SMIM3: variants seen among roughly 807,000 people sequenced by gnomAD.
The protein encoded by SMIM3 is small integral membrane protein 3.
A neutral mutation model predicts 2.1 loss-of-function variants in SMIM3; 4 were observed. That is an observed-to-expected ratio of 1.89 (90% confidence interval 0.93 to 4.31). The LOEUF (loss-of-function observed/expected upper bound fraction) is 4.31, where lower values mean the gene tolerates loss of function less well. SMIM3 is among the 30% of genes most tolerant of loss of function. The pLI is 0.01. For synonymous variants in SMIM3, 29 were observed against 30.8 expected, an observed-to-expected ratio of 0.94 and a Z score of 0.19; for missense variants, 79 against 77.7, an observed-to-expected ratio of 1.02 and a Z score of -0.06.
chr5:150,790,409 A>G (rs1040729212), intron 1 of SMIM3, among the ~76,000 whole-genome samples: 2 of 152,150 alleles, frequency 1.3e-5, no homozygotes, highest in Non-Finnish European at 2.9e-5. Context: ...AGAATGATTT[A>G]TCCCGCCCCC....
At chr5:150,782,763 A>C (rs1364203802) in intron 1 of SMIM3, among the ~76,000 whole-genome samples, 1 of 152,210 alleles carries the variant, frequency 6.6e-6, no homozygotes, top group Non-Finnish European at 1.5e-5. Context: ...GGACCTCTTC[A>C]GTCAATTAGG....
chr5:150,794,932 C>T (rs1358890819), intron 1 of SMIM3, among the ~76,000 whole-genome samples: 1 of 152,154 alleles, frequency 6.6e-6, no homozygotes, highest in Non-Finnish European at 1.5e-5. Flanking sequence ...TAGGTAGGTT[C>T]TCCCCAGAAA....
At chr5:150,793,879 C>T (rs1753375312) in intron 1 of SMIM3, among the ~76,000 whole-genome samples, 1 of 152,126 alleles carries the variant, frequency 6.6e-6, no homozygotes, top group African/African-American at 2.4e-5. Flanking sequence ...GCAGAGTAAA[C>T]AGACAACCCA....
intron 1 of SMIM3, among the ~76,000 whole-genome samples, chr5:150,785,580 CTTTTTTTTTTTT>C: frequency 8.8e-6 from 1 of 113,738 alleles, no homozygotes; most frequent in South Asian, 2.8e-4. Context: ...TATTTCTTTT[CTTTTTTTTTTTT>C]TTTTTTTTGA....
rs577927047 is a variant in SMIM3 at position 150,795,942 on chromosome 5, A to G, written c.*319A>G. 303 of 301,116 alleles carry G rather than the reference A, an allele frequency of 1.0e-3. 7 individuals are homozygous for G. The South Asian group carries it at 0.012, about 12-fold the overall frequency. 18.7% of individuals were successfully genotyped at this position (301,116 alleles called of 1,614,324 possible). A position where few individuals can be genotyped will look rare whatever the true frequency, so the allele number is the denominator to read the frequency against. On this transcript the variant is annotated 3_prime_UTR_variant, in exon 2 of 2. Transcript: ENST00000526627. Reference sequence around the variant, plus strand: ...TATAAGGGTGTTATGCTGAATCCTGAGAAGCTTTCAAGAACCAGAGAACCT... The same window carrying G: ...TATAAGGGTGTTATGCTGAATCCTGGGAAGCTTTCAAGAACCAGAGAACCT...
Position 150,795,758 on chromosome 5 carries a change from C to A in SMIM3, c.*135C>A. 1 of 1,005,652 alleles carries A rather than the reference C, an allele frequency of 9.9e-7. No individual in the cohort carries two copies. The highest frequency in any genetic ancestry group is 1.4e-6 in the Non-Finnish European group (1 of 701,014). The allele number at this position is 1,005,652 out of a possible 1,614,324, so 62.3% of individuals were successfully genotyped here. A position where few individuals can be genotyped will look rare whatever the true frequency, so the allele number is the denominator to read the frequency against. On this transcript the variant is annotated 3_prime_UTR_variant, in exon 2 of 2. Transcript: ENST00000526627. ...TGGTTTTGATTCTGCCACGAGCCAGCTGTGTGAATTTGGTCAAGGGACCTA... is the reference window on the plus strand; with the variant it reads ...TGGTTTTGATTCTGCCACGAGCCAGATGTGTGAATTTGGTCAAGGGACCTA...
At chr5:150,779,064 C>G in intron 1 of SMIM3, 92 bp downstream of exon 1, 1 of 454,706 alleles carries the variant, frequency 2.2e-6, no homozygotes, top group Non-Finnish European at 4.5e-6. Context: ...CCCCTTTCCC[C>G]GGGCTCCCAA....
At chr5:150,781,455 C>A (rs1371250566) in intron 1 of SMIM3, among the ~76,000 whole-genome samples, 1 of 152,196 alleles carries the variant, frequency 6.6e-6, no homozygotes, top group Non-Finnish European at 1.5e-5. Context: ...GCACATTAAA[C>A]AACAGCAAGC....
intron 1 of SMIM3, among the ~76,000 whole-genome samples, chr5:150,781,644 G>A (rs1753233670): frequency 6.6e-6 from 1 of 152,144 alleles, no homozygotes; most frequent in South Asian, 2.1e-4. Context: ...TGGTGGTGGT[G>A]GTGGTGGGCA....
chr5:150,795,326 T>C lies in SMIM3; in HGVS notation c.-11-104T>C, dbSNP rs1753390731. 5.0e-6 allele frequency: 6 copies of C among 1,188,516 alleles called. No homozygotes were observed. In the Admixed American group the frequency reaches 1.0e-4, roughly 20 times the overall value. 73.6% of individuals were successfully genotyped at this position (1,188,516 alleles called of 1,614,324 possible). The stretch of plus-strand genomic sequence containing the variant: ...TAATCAGGGAACCTTAAAGTTTACA[T>C]ATCTGGTAAGTGACCCAGGCTTCTG... On this transcript the variant is annotated intron_variant, in intron 1 of 1. Coordinates refer to ENST00000526627, the MANE Select transcript of SMIM3 (RefSeq NM_032947.5).
chr5:150,780,589 A>C (rs1753221266), intron 1 of SMIM3, among the ~76,000 whole-genome samples: 1 of 152,102 alleles, frequency 6.6e-6, no homozygotes, highest in South Asian at 2.1e-4. Flanking sequence ...AGAACCACTG[A>C]GTCGCGGTGA....
At chr5:150,792,537 TA>T (rs1028981493) in intron 1 of SMIM3, among the ~76,000 whole-genome samples, 3 of 152,162 alleles carry the variant, frequency 2.0e-5, no homozygotes, top group Admixed American at 6.6e-5. Context: ...TGAAGTTGAT[TA>T]AAAAAATTAT....
intron 1 of SMIM3, among the ~76,000 whole-genome samples, chr5:150,783,445 G>C (rs1013508801): frequency 6.6e-6 from 1 of 152,226 alleles, no homozygotes; most frequent in African/African-American, 2.4e-5. Flanking sequence ...GAAGAGTCAT[G>C]TATCTTTGGA....
chr5:150,791,278 CT>C (rs1319837747), intron 1 of SMIM3, among the ~76,000 whole-genome samples: 1 of 152,100 alleles, frequency 6.6e-6, no homozygotes, highest in Admixed American at 6.6e-5. Flanking sequence ...CCACTTAAAA[CT>C]TTTGGAGTTC....
At chr5:150,787,235 T>G (rs1277040618) in intron 1 of SMIM3, among the ~76,000 whole-genome samples, 6 of 151,912 alleles carry the variant, frequency 3.9e-5, no homozygotes, top group Non-Finnish European at 8.8e-5. Flanking sequence ...AAGCTTAGAG[T>G]CCTGCTTTTT....
chr5:150,781,338 A>T (rs1362732311), intron 1 of SMIM3, among the ~76,000 whole-genome samples: 2 of 152,210 alleles, frequency 1.3e-5, no homozygotes, highest in African/African-American at 4.8e-5. Context: ...CTTCCAACTC[A>T]CTAGGGAAAC....
intron 1 of SMIM3, among the ~76,000 whole-genome samples, chr5:150,787,031 C>T (rs1421548158): frequency 6.6e-6 from 1 of 152,104 alleles, no homozygotes; most frequent in Admixed American, 6.5e-5. Context: ...ACTAAGGGTG[C>T]TTTTTAAGGT....
Position 150,778,970 on chromosome 5 carries a change from G to C in SMIM3, c.-14G>C, listed in dbSNP as rs1309369775. ...ACTTTCCGCAGACTCGCCGCCATCT[G>C]GGGTGAGTGGGGCCACCGGGGGATT... On this transcript the variant is annotated splice_region_variant and 5_prime_UTR_variant, in exon 1 of 2. Transcript: ENST00000526627. The C allele has an allele frequency of 2.0e-6, 1 of 503,356 alleles. No homozygotes were observed. Among genetic ancestry groups the C allele is most frequent in the East Asian group, 6.1e-5 (1 of 16,482 alleles). The allele number at this position is 503,356 out of a possible 1,614,324, so 31.2% of individuals were successfully genotyped here.
intron 1 of SMIM3, among the ~76,000 whole-genome samples, chr5:150,779,271 G>C (rs1753207367): frequency 6.6e-6 from 1 of 152,118 alleles, no homozygotes; most frequent in Admixed American, 6.5e-5. Context: ...GCTTCTCTCC[G>C]GGTCCGCTGC....
Sources: gnomAD v4.1 joint callset for allele counts (sites outside exome capture counted in the v4.1 genomes callset) on GRCh38, gnomAD v4.1.1 for gene constraint, MANE v1.5 for transcripts, NCBI Gene and HGNC (gene_info 2026-07-23, HGNC 2026-07-21) for gene names.